Variants in WDR44 observed in about 807,000 individuals in gnomAD.
WDR44 encodes the protein WD repeat-containing protein 44.
WDR44 carries 9 observed loss-of-function variants against 65.7 expected under a neutral mutation model. The observed-to-expected ratio is 0.14, with a 90% CI of 0.08 to 0.24. The LOEUF is 0.24. Ranked by LOEUF, WDR44 falls within the 10% of genes least tolerant of loss-of-function variation. WDR44 has a pLI of 1.00. For missense variants in WDR44, 425 were observed against 670.9 expected (o/e 0.63, Z 4.05); for synonymous variants, 220 against 235.2 (o/e 0.94, Z 0.59).
intron 19 of WDR44, among the ~76,000 whole-genome samples, chrX:118,447,878 ATATATATATAT>A (rs2057359526): frequency 4.9e-5 from 1 of 20,280 alleles, no homozygotes; most frequent in African/African-American, 7.2e-4. Flanking sequence ...TATCTAAAAT[ATATATATATAT>A]ATATATATAT....
chrX:118,448,118 G>T (rs1292636553), intron 19 of WDR44, among the ~76,000 whole-genome samples: 2 of 109,482 alleles, frequency 1.8e-5, no homozygotes, highest in Non-Finnish European at 3.8e-5. Flanking sequence ...GGTGGTAAAG[G>T]AATGTTCAAA....
chrX:118,372,819 T>C (rs976532254), intron 1 of WDR44, among the ~76,000 whole-genome samples: 1 of 112,226 alleles, frequency 8.9e-6, no homozygotes, highest in Non-Finnish European at 1.9e-5. Flanking sequence ...CTGGGTGCGG[T>C]GGCTCACGCC....
intron 2 of WDR44, 85 bp downstream of exon 2, chrX:118,378,537 T>G: frequency 1.0e-6 from 1 of 976,011 alleles, no homozygotes; most frequent in Non-Finnish European, 1.4e-6. Context: ...TTTTCTTGCT[T>G]TTGCTTTTTT....
chrX:118,377,090 G>A (rs1042418438), intron 1 of WDR44, among the ~76,000 whole-genome samples: 3 of 111,253 alleles, frequency 2.7e-5, no homozygotes, highest in Admixed American at 9.6e-5. Context: ...GTACACAGTG[G>A]TTCGTTCCTG....
chrX:118,376,821 T>C (rs1378636041), intron 1 of WDR44, among the ~76,000 whole-genome samples: 2 of 109,950 alleles, frequency 1.8e-5, no homozygotes, highest in Non-Finnish European at 3.8e-5. Context: ...TTTAGCAATA[T>C]GGCAAACCCC....
At chrX:118,349,708 C>A (rs2056386890) in intron 1 of WDR44, among the ~76,000 whole-genome samples, 1 of 110,879 alleles carries the variant, frequency 9.0e-6, no homozygotes, top group Non-Finnish European at 1.9e-5. Context: ...CAGGTGTGCG[C>A]CACCACGCCC....
In WDR44 at chrX:118,360,997, C is replaced by CT. The variant is rs1049545556; in HGVS notation, c.77+14426dup. Among the ~76,000 whole-genome samples the CT allele has an allele frequency of 4.9e-4, 54 of 110,122 alleles. No homozygotes were observed. The East Asian group carries it at 0.014, about 28-fold the overall frequency. On this transcript the variant is annotated intron_variant, in intron 1 of 19. Coordinates refer to ENST00000254029, the MANE Select transcript of WDR44 (RefSeq NM_019045.5). ...AAAAGGCTTCTGCAGAGCCAACCAC[C>CT]TTTTTTTTTCCTCAGGGCCTGAAAA...
chrX:118,429,999 A>G (rs768647022), intron 12 of WDR44, among the ~76,000 whole-genome samples: 1 of 111,546 alleles, frequency 9.0e-6, no homozygotes, highest in South Asian at 3.7e-4. Context: ...CAACAAAGGA[A>G]GAATGATTAA....
In WDR44 at chrX:118,428,624, C is replaced by T. The variant is rs185446340; in HGVS notation, c.1738-4157C>T. On this transcript the variant is annotated intron_variant, in intron 12 of 19. Coordinates refer to ENST00000254029, the MANE Select transcript of WDR44 (RefSeq NM_019045.5). ...AGAGGGGAATGTAAATTAGTTCAAC[C>T]ATTATGGAAGACAGTGTGGCAATTC... Among the ~76,000 whole-genome samples the T allele has an allele frequency of 7.2e-5, 8 of 111,789 alleles. No individual in the cohort carries two copies. In the East Asian group the frequency reaches 1.4e-3, roughly 19 times the overall value.
chrX:118,435,652 TAATC>T (rs1439842154), intron 13 of WDR44, among the ~76,000 whole-genome samples: 2 of 112,907 alleles, frequency 1.8e-5, no homozygotes, highest in East Asian at 2.8e-4. Flanking sequence ...CAGTTGGTAT[TAATC>T]AACAGGAAAT....
chrX:118,445,924 G>A (rs2057341820), intron 19 of WDR44, among the ~76,000 whole-genome samples: 1 of 109,731 alleles, frequency 9.1e-6, no homozygotes, highest in African/African-American at 3.3e-5. Context: ...CAGCTACTCA[G>A]GAGGCTGAGG....
chrX:118,377,697 T>C (rs1481956078), intron 1 of WDR44, among the ~76,000 whole-genome samples: 2 of 105,596 alleles, frequency 1.9e-5, no homozygotes, highest in African/African-American at 7.0e-5. Context: ...AGATTATGTA[T>C]GAATCACTTT....
chrX:118,349,601 A>G (rs1162266167), intron 1 of WDR44, among the ~76,000 whole-genome samples: 3 of 106,220 alleles, frequency 2.8e-5, no homozygotes, highest in Non-Finnish European at 5.8e-5. Context: ...TCTGTCGCCC[A>G]GGCTGGAGTG....
intron 2 of WDR44, among the ~76,000 whole-genome samples, chrX:118,379,863 A>T (rs891322933): frequency 8.9e-6 from 1 of 111,812 alleles, no homozygotes; most frequent in Non-Finnish European, 1.9e-5. Flanking sequence ...TCAGGACAAA[A>T]GGTATATGGT....
At chrX:118,372,533 A>C (rs934411497) in intron 1 of WDR44, among the ~76,000 whole-genome samples, 3 of 111,725 alleles carry the variant, frequency 2.7e-5, no homozygotes, top group African/African-American at 9.8e-5. Context: ...GACAGTTCTC[A>C]AGATACAGCT....
At chrX:118,413,567 T>C (rs1391020847) in intron 12 of WDR44, among the ~76,000 whole-genome samples, 1 of 112,014 alleles carries the variant, frequency 8.9e-6, no homozygotes, top group Non-Finnish European at 1.9e-5. Context: ...AGTTTGTTGT[T>C]CATTCTGGAT....
intron 12 of WDR44, among the ~76,000 whole-genome samples, chrX:118,424,321 G>GTATATATATATATATATA (rs1430796503): frequency 2.2e-4 from 14 of 63,443 alleles, no homozygotes; most frequent in African/African-American, 2.0e-3. Flanking sequence ...ATGTGTGTGT[G>GTATATATATATATATATA]TGTATATATA....
chrX:118,443,651 A>C lies in WDR44; in HGVS notation c.2476A>C (p.Arg826=). Residue 826 remains arginine, a synonymous_variant, in exon 18 of 20, where the codon AGG becomes CGG. Transcript: ENST00000254029. ...YHDLSKFTSV[R]RDRNDFWEGI... is the part of the protein sequence containing the mutation. The stretch of plus-strand genomic sequence containing the variant: ...TGACCTAAGCAAGTTTACTTCAGTC[A>C]GGAGAGATCGTAATGACTTCTGGGA... The C allele has an allele frequency of 8.3e-7, 1 of 1,209,987 alleles. No individual in the cohort carries two copies. Among genetic ancestry groups the C allele is most frequent in the Non-Finnish European group, 1.1e-6 (1 of 894,392 alleles).
At chrX:118,370,674 T>C (rs1170361496) in intron 1 of WDR44, among the ~76,000 whole-genome samples, 1 of 110,200 alleles carries the variant, frequency 9.1e-6, no homozygotes, top group African/African-American at 3.3e-5. Context: ...ACCTCCAATT[T>C]CCTGGTTTAA....
Sources: gnomAD v4.1 joint callset for allele counts (sites outside exome capture counted in the v4.1 genomes callset) on GRCh38, gnomAD v4.1.1 for gene constraint, MANE v1.5 for transcripts, NCBI Gene and HGNC (gene_info 2026-07-23, HGNC 2026-07-21) for gene names.